Variants in SECISBP2 observed in about 807,000 individuals in gnomAD.
SECISBP2 encodes selenocysteine insertion sequence-binding protein 2.
In SECISBP2, 96 loss-of-function variants were observed where a neutral mutation model predicts 98.2. The observed-to-expected ratio is 0.98, with a 90% CI of 0.83 to 1.16. The LOEUF is 1.16. SECISBP2 is among the 50% of genes most tolerant of loss of function. The probability of loss-of-function intolerance (pLI) is 0.00; values close to 1 mark genes in which losing one functional copy is unlikely to be tolerated. For missense variants in SECISBP2, 1,046 were observed against 1,022.9 expected (o/e 1.02, Z -0.31); for synonymous variants, 407 against 370.2 (o/e 1.10, Z -1.14).
intron 5 of SECISBP2, chr9:89,330,362 C>T (rs555527138): frequency 6.6e-6 from 1 of 152,182 alleles, no homozygotes; most frequent in Non-Finnish European, 1.5e-5. Context: ...TTAGTAGTTC[C>T]TAAAATGGCT....
downstream of SECISBP2, chr9:89,360,851 C>T (rs905218840): frequency 3.9e-5 from 6 of 152,200 alleles, no homozygotes; most frequent in African/African-American, 9.7e-5. Context: ...GAAATTCATC[C>T]TCATAACTCC....
chr9:89,361,978 C>A, downstream of SECISBP2: 1 of 270,330 alleles, frequency 3.7e-6, no homozygotes, highest in Non-Finnish European at 7.2e-6. Context: ...ACCCTGTTGG[C>A]TATTAGGGGG....
downstream of SECISBP2, chr9:89,361,510 T>C (rs1388825738): frequency 6.6e-6 from 1 of 152,154 alleles, no homozygotes; most frequent in Non-Finnish European, 1.5e-5. Context: ...TTAGGACAAG[T>C]TCACACACAC....
chr9:89,345,826 A>C (rs1256027330), intron 10 of SECISBP2, among the ~76,000 whole-genome samples: 3 of 152,228 alleles, frequency 2.0e-5, no homozygotes, highest in Non-Finnish European at 2.9e-5. Flanking sequence ...CAATTGAGCC[A>C]GTCACATAGT....
At chr9:89,355,723 C>T (rs1831955622) in intron 14 of SECISBP2, 1 of 209,800 alleles carries the variant, frequency 4.8e-6, no homozygotes, top group Admixed American at 6.5e-5. Flanking sequence ...TTTTAAAATT[C>T]TGTATATCTC....
At position 89,319,708 on chromosome 9, in the gene SECISBP2, T is replaced by C. The variant is rs1320413364; in HGVS notation, c.93T>C (p.Asn31=). 2.5e-6 allele frequency: 4 copies of C among 1,614,076 alleles called. No homozygotes were observed. Among genetic ancestry groups the C allele is most frequent in the African/African-American group, 1.3e-5 (1 of 74,940 alleles). The change falls in exon 2 of 17, where the codon AAT becomes AAC. Residue 31 remains asparagine, a synonymous_variant. Coordinates refer to ENST00000375807, the MANE Select transcript of SECISBP2 (RefSeq NM_024077.5). ...TTGTCCCCAGATTTGCCGGGCTCAATGTGGCATGGTTAGAGTCCTCAGAAG... is the reference window on the plus strand; with the variant it reads ...TTGTCCCCAGATTTGCCGGGCTCAACGTGGCATGGTTAGAGTCCTCAGAAG... ...KPFVPRFAGL[N]VAWLESSEAC...
chr9:89,327,740 T>G (rs766090853), intron 4 of SECISBP2, among the ~76,000 whole-genome samples: 2 of 152,126 alleles, frequency 1.3e-5, no homozygotes, highest in Non-Finnish European at 2.9e-5. Context: ...TAACAATGCC[T>G]TATTCTGGAA....
rs747947297 is a variant in SECISBP2 at position 89,328,714 on chromosome 9, C to T, written c.629C>T (p.Ser210Phe). 6.2e-7 allele frequency: 1 copy of T among 1,614,174 alleles called. No individual in the cohort carries two copies. Among genetic ancestry groups the T allele is most frequent in the South Asian group, 1.1e-5 (1 of 91,082 alleles). Residue 210 changes from serine (S) to phenylalanine (F), a missense_variant, in exon 5 of 17, where the codon TCT (serine) becomes TTT (phenylalanine). Physicochemically the swap from Ser to Phe is radical, Grantham distance 155 (BLOSUM62 -2). Coordinates refer to ENST00000375807, the MANE Select transcript of SECISBP2 (RefSeq NM_024077.5). ...RKSRIIAKNVSTSKPEFEFTT... is the reference protein window; with the variant it reads ...RKSRIIAKNVFTSKPEFEFTT... The stretch of plus-strand genomic sequence containing the variant: ...TCCAGAATCATTGCAAAAAATGTAT[C>T]TACCTCCAAACCTGAGTTTGAATTT...
Position 89,348,107 on chromosome 9 carries a change from A to G in SECISBP2, c.1631A>G (p.Lys544Arg), listed in dbSNP as rs1256524007. The G allele has an allele frequency of 1.2e-6, 2 of 1,613,870 alleles. No individual in the cohort carries two copies. The highest frequency in any genetic ancestry group is 1.7e-5 in the Admixed American group (1 of 60,034). ...KIILKERQER[K>R]QRLQENAVSP... The stretch of plus-strand genomic sequence containing the variant: ...ATTTTGAAAGAACGGCAAGAGAGAA[A>G]GCAGCGTCTCCAAGAAAATGCTGTG... Residue 544 changes from lysine to arginine, a missense_variant, in exon 12 of 17, where the codon AAG becomes AGG. Transcript: ENST00000375807.
downstream of SECISBP2, chr9:89,363,292 T>A: frequency 3.8e-6 from 5 of 1,309,346 alleles, no homozygotes; most frequent in Non-Finnish European, 5.1e-6. Context: ...GCAGATTTCA[T>A]AAAGGAAACT....
intron 5 of SECISBP2, 37 bp from the exon 6 acceptor site, chr9:89,332,871 C>T (rs1827986969): frequency 1.3e-6 from 2 of 1,509,286 alleles, no homozygotes; most frequent in African/African-American, 1.4e-5. Flanking sequence ...TTTTAATTTG[C>T]ATTTCTCTGA....
intron 14 of SECISBP2, among the ~76,000 whole-genome samples, chr9:89,352,379 G>A (rs1831413924): frequency 6.6e-6 from 1 of 151,952 alleles, no homozygotes. Context: ...TTCTTGGGCT[G>A]CACTCTTGTT....
intron 7 of SECISBP2, among the ~76,000 whole-genome samples, chr9:89,335,236 A>G (rs1158966818): frequency 1.3e-5 from 2 of 151,716 alleles, no homozygotes; most frequent in South Asian, 2.1e-4. Context: ...AAAAGTTAAG[A>G]TGGTATGTTT....
chr9:89,351,889 A>G (rs932629124), intron 14 of SECISBP2, among the ~76,000 whole-genome samples: 2 of 152,138 alleles, frequency 1.3e-5, no homozygotes, highest in Non-Finnish European at 2.9e-5. Context: ...TCAGTGTTGT[A>G]CATGTCCACA....
intron 14 of SECISBP2, among the ~76,000 whole-genome samples, chr9:89,351,781 C>T (rs981721622): frequency 1.3e-5 from 2 of 152,190 alleles, no homozygotes; most frequent in Non-Finnish European, 2.9e-5. Flanking sequence ...CAGAATATGA[C>T]AGAAGGGATC....
intron 9 of SECISBP2, 35 bp from the exon 10 acceptor site, chr9:89,341,312 T>A: frequency 6.3e-7 from 1 of 1,592,182 alleles, no homozygotes; most frequent in Admixed American, 1.7e-5. Flanking sequence ...GTTTGTATAG[T>A]TTTATAAGTA....
chr9:89,319,635 C>T lies in SECISBP2; in HGVS notation c.37-17C>T, dbSNP rs922598643. The T allele has an allele frequency of 1.2e-5, 19 of 1,613,662 alleles. No individual in the cohort carries two copies. The highest frequency in any genetic ancestry group is 1.5e-5 in the Non-Finnish European group (18 of 1,179,970). On this transcript the variant is annotated splice_polypyrimidine_tract_variant and intron_variant, in intron 1 of 16. Transcript: ENST00000375807. ...ATCTCTGAATGTTTGTGGCCAAAAC[C>T]TCATATTTTTCCTCAGGGCATCAAG...
intron 5 of SECISBP2, chr9:89,329,868 A>T (rs1013437690): frequency 6.6e-6 from 1 of 152,312 alleles, no homozygotes; most frequent in Non-Finnish European, 1.5e-5. Flanking sequence ...TCAACACGCT[A>T]CTTCTAACAT....
chr9:89,350,502 T>C (rs1831117537), intron 13 of SECISBP2, 130 bp from the exon 14 acceptor site: 1 of 825,224 alleles, frequency 1.2e-6, no homozygotes, highest in African/African-American at 1.7e-5. Flanking sequence ...CAGTTCTGGT[T>C]AGTAGTACTT....
Sources: allele counts gnomAD v4.1 joint callset (sites outside exome capture counted in the v4.1 genomes callset), GRCh38; gene constraint gnomAD v4.1.1; transcripts MANE v1.5; gene names NCBI Gene and HGNC (gene_info 2026-07-23, HGNC 2026-07-21).